The following PDE1C variants were observed in gnomAD, a reference collection of about 807,000 sequenced individuals.
PDE1C encodes dual specificity calcium/calmodulin-dependent 3',5'-cyclic nucleotide phosphodiesterase 1C.
Under a neutral mutation model 93.1 loss-of-function variants are expected in PDE1C, and 62 were observed. That is an observed-to-expected ratio of 0.67 (90% CI 0.54 to 0.82). The LOEUF is 0.82. Among genes scored for constraint, PDE1C ranks in the 40% least tolerant of loss-of-function variants. PDE1C has a pLI of 0.00. For missense variants in PDE1C, 742 were observed against 884.6 expected (o/e 0.84, Z 2.04); for synonymous variants, 325 against 310.1 (o/e 1.05, Z -0.50).
At chr7:31,653,702 C>T in the PDE1C span, 1 of 152,142 alleles carries the variant, frequency 6.6e-6, no homozygotes, top group Admixed American at 6.5e-5. Context: ...CTTGACTTTT[C>T]CCTTTTACTT....
At chr7:32,063,745 G>A (rs1173590361) in intron 1 of PDE1C, among the ~76,000 whole-genome samples, 3 of 152,108 alleles carry the variant, frequency 2.0e-5, no homozygotes, top group Non-Finnish European at 2.9e-5. Flanking sequence ...AGAAAGACTC[G>A]AAAACAATCC....
At chr7:31,885,239 T>C (rs1323820022) in intron 2 of PDE1C, among the ~76,000 whole-genome samples, 1 of 152,122 alleles carries the variant, frequency 6.6e-6, no homozygotes, top group Non-Finnish European at 1.5e-5. Flanking sequence ...ATAATAATAA[T>C]ATTAATAAGA....
At chr7:32,372,331 G>C (rs1784349013) in intron 1 of PDE1C, among the ~76,000 whole-genome samples, 1 of 152,130 alleles carries the variant, frequency 6.6e-6, no homozygotes, top group South Asian at 2.1e-4. Context: ...TGGAATTACA[G>C]GCGTGAGCTA....
At chr7:31,996,716 T>A (rs530780515) in intron 2 of PDE1C, among the ~76,000 whole-genome samples, 1 of 152,354 alleles carries the variant, frequency 6.6e-6, no homozygotes, top group East Asian at 1.9e-4. Flanking sequence ...CTGCACATTG[T>A]AAAACTGACA....
intron 2 of PDE1C, among the ~76,000 whole-genome samples, chr7:31,964,823 C>T (rs527600401): frequency 1.6e-4 from 25 of 152,284 alleles, no homozygotes; most frequent in African/African-American, 5.5e-4. Flanking sequence ...CCGCAGCCAC[C>T]GTTGCTGATA....
At chr7:31,963,935 T>C (rs1241893948) in intron 2 of PDE1C, among the ~76,000 whole-genome samples, 1 of 152,236 alleles carries the variant, frequency 6.6e-6, no homozygotes, top group East Asian at 1.9e-4. Context: ...TCATGAAGCA[T>C]GACTTTATCT....
At chr7:31,753,584 G>A (rs759153311) in intron 17 of PDE1C, 31 bp from the exon 18 acceptor site, 8 of 1,596,238 alleles carry the variant, frequency 5.0e-6, no homozygotes, top group Admixed American at 3.4e-5. Flanking sequence ...GACAGACAAC[G>A]GTTAGCCTCA....
At chr7:32,074,240 G>A (rs912606531), upstream of PDE1C, among the ~76,000 whole-genome samples, 1 of 152,048 alleles carries the variant, frequency 6.6e-6, no homozygotes, top group Non-Finnish European at 1.5e-5. Flanking sequence ...TAGGAATCAG[G>A]CTTTGAAGGC....
chr7:31,643,416 T>C, the PDE1C span: 1 of 1,613,972 alleles, frequency 6.2e-7, no homozygotes, highest in Non-Finnish European at 8.5e-7. Flanking sequence ...CAAGGTCTGG[T>C]ACTTTGGGTC....
intron 8 of PDE1C, 105 bp from the exon 9 acceptor site, chr7:31,848,201 T>C (rs1792866008): frequency 1.2e-5 from 14 of 1,150,926 alleles, no homozygotes; most frequent in Non-Finnish European, 1.6e-5. Flanking sequence ...TGTTTAGAAA[T>C]TATCTTTGTC....
chr7:31,930,802 T>C (rs1804097429), intron 2 of PDE1C, among the ~76,000 whole-genome samples: 1 of 119,210 alleles, frequency 8.4e-6, no homozygotes, highest in Non-Finnish European at 1.6e-5. Flanking sequence ...TGAGCCGAGA[T>C]CATGCCACTG....
At chr7:32,327,126 G>A (rs1357672316) in intron 1 of PDE1C, among the ~76,000 whole-genome samples, 2 of 152,142 alleles carry the variant, frequency 1.3e-5, no homozygotes. Flanking sequence ...ACCTCCATTG[G>A]CTGTACTGCC....
intron 2 of PDE1C, among the ~76,000 whole-genome samples, chr7:32,019,063 G>C (rs753300020): frequency 6.6e-6 from 1 of 150,474 alleles, no homozygotes; most frequent in East Asian, 2.0e-4. Context: ...ACCAGGCATA[G>C]TGCTAGGTAA....
At chr7:31,830,486 T>C (rs1005504760) in intron 11 of PDE1C, among the ~76,000 whole-genome samples, 3 of 152,172 alleles carry the variant, frequency 2.0e-5, no homozygotes, top group African/African-American at 4.8e-5. Flanking sequence ...AGCCACATAG[T>C]TGGCACACAG....
intron 2 of PDE1C, among the ~76,000 whole-genome samples, chr7:32,004,652 A>G (rs1277107146): frequency 6.6e-6 from 1 of 152,190 alleles, no homozygotes; most frequent in East Asian, 1.9e-4. Flanking sequence ...AGGAAGATGG[A>G]GTAAGACACC....
At chr7:31,679,688 C>G in the PDE1C span, among the ~76,000 whole-genome samples, 1 of 152,216 alleles carries the variant, frequency 6.6e-6, no homozygotes, top group Non-Finnish European at 1.5e-5. Flanking sequence ...CTTGCTCCCT[C>G]TGTGTTCAGA....
intron 7 of PDE1C, among the ~76,000 whole-genome samples, chr7:31,859,607 A>G (rs1380491350): frequency 6.6e-6 from 1 of 151,962 alleles, no homozygotes; most frequent in Non-Finnish European, 1.5e-5. Context: ...CATTTAAACA[A>G]TGTTTAACTG....
chr7:32,237,341 C>T (rs1406011214), intron 1 of PDE1C, among the ~76,000 whole-genome samples: 1 of 151,714 alleles, frequency 6.6e-6, no homozygotes, highest in African/African-American at 2.4e-5. Context: ...CCCATCTCGG[C>T]TATTCATGTA....
At chr7:32,331,002 G>C (rs981573285) in intron 1 of PDE1C, among the ~76,000 whole-genome samples, 1 of 152,000 alleles carries the variant, frequency 6.6e-6, no homozygotes, top group Non-Finnish European at 1.5e-5. Flanking sequence ...AAGCACTTCT[G>C]ACCAGCAATG....
Sources: allele counts gnomAD v4.1 joint callset (sites outside exome capture counted in the v4.1 genomes callset), GRCh38; gene constraint gnomAD v4.1.1; transcripts MANE v1.5; gene names NCBI Gene and HGNC (gene_info 2026-07-23, HGNC 2026-07-21).